Variants in UGDH observed in about 807,000 individuals in gnomAD.
The protein encoded by UGDH is UDP-glucose 6-dehydrogenase, also known as UDP-Glc dehydrogenase.
A neutral mutation model predicts 50.6 loss-of-function variants in UGDH; 38 were observed. The ratio of observed to expected loss-of-function variants is 0.75; its 90% CI spans 0.58 to 0.98. The LOEUF (loss-of-function observed/expected upper bound fraction) is 0.98. Ranked by LOEUF, UGDH falls within the 50% of genes least tolerant of loss-of-function variation. UGDH has a pLI of 0.00. For missense variants in UGDH, 465 were observed against 606.2 expected, an observed-to-expected ratio of 0.77 and a Z score of 2.45; for synonymous variants, 168 against 199.9, an observed-to-expected ratio of 0.84 and a Z score of 1.35.
Position 39,514,100 on chromosome 4 carries a change from C to A in UGDH, c.247G>T (p.Asp83Tyr), listed in dbSNP as rs777181206. 1 of 1,589,542 alleles carries A rather than the reference C, an allele frequency of 6.3e-7. No individual in the cohort carries two copies. Among genetic ancestry groups the A allele is most frequent in the Non-Finnish European group, 8.5e-7 (1 of 1,172,494 alleles). The change falls in exon 3 of 12, where the codon GAT becomes TAT. Residue 83 changes from aspartate to tyrosine, a missense_variant. Asp to Tyr is a radical substitution (Grantham distance 160, BLOSUM62 -3). Coordinates refer to ENST00000316423, the MANE Select transcript of UGDH (RefSeq NM_003359.4). ...ATACTTACAGAAATAAATACAAGAT[C>A]AGCTTCTTTGATGGCATCATCAATA... is the stretch of plus-strand genomic sequence containing the variant. ...TNIDDAIKEA[D>Y]LVFISVNTPT... is the part of the protein sequence containing the mutation.
chr4:39,527,028 A>G, intron 1 of UGDH: 2 of 1,289,406 alleles, frequency 1.6e-6, no homozygotes, highest in Non-Finnish European at 2.0e-6. Context: ...GTAAAGGCAG[A>G]AAGAGAAGGG....
chr4:39,503,197 G>T (rs140812426), intron 11 of UGDH, among the ~76,000 whole-genome samples: 1 of 152,166 alleles, frequency 6.6e-6, no homozygotes, highest in African/African-American at 2.4e-5. Context: ...TTATAGGCGT[G>T]AGCCACCGCG....
chr4:39,522,266 T>C (rs1746693322), intron 1 of UGDH, among the ~76,000 whole-genome samples: 1 of 152,214 alleles, frequency 6.6e-6, no homozygotes, highest in African/African-American at 2.4e-5. Flanking sequence ...AAGGAACTGA[T>C]TTATACATAA....
rs77838464 is a variant in UGDH at position 39,500,106 on chromosome 4, A to G, written c.*37T>C. 2 of 454,098 alleles carry G rather than the reference A, an allele frequency of 4.4e-6. No individual in the cohort carries two copies. The highest frequency in any genetic ancestry group is 1.4e-4 in the East Asian group (2 of 13,878). The allele number at this position is 454,098 out of a possible 1,614,324, so 28.1% of individuals were successfully genotyped here. A position where few individuals can be genotyped will look rare whatever the true frequency, so the allele number is the denominator to read the frequency against. The stretch of plus-strand genomic sequence containing the variant: ...ATATTTGCTATCCTGAAGTACCAAA[A>G]AAAAAAAAAAAAAATCACAAATAAA... On this transcript the variant is annotated 3_prime_UTR_variant, in exon 12 of 12. Transcript: ENST00000316423.
chr4:39,504,629 G>T, intron 9 of UGDH, 121 bp from the exon 10 acceptor site: 1 of 867,016 alleles, frequency 1.2e-6, no homozygotes. Flanking sequence ...TGAAACTGTG[G>T]AGAGTACTGA....
At chr4:39,524,181 G>C (rs1168958710) in intron 1 of UGDH, among the ~76,000 whole-genome samples, 1 of 152,068 alleles carries the variant, frequency 6.6e-6, no homozygotes, top group Non-Finnish European at 1.5e-5. Context: ...AGGTTATTAG[G>C]GCAGCCTTTA....
At position 39,500,264 on chromosome 4, in the gene UGDH, A is replaced by G; in HGVS notation, c.1375-11T>C. On this transcript the variant is annotated splice_polypyrimidine_tract_variant and intron_variant, in intron 11 of 11. Transcript: ENST00000316423. ...GCCAATTGTTTCAATCTGAAAAAAAAATAAAATTTAAGAGAACTATTAACA... is the reference window on the plus strand; with the variant it reads ...GCCAATTGTTTCAATCTGAAAAAAAGATAAAATTTAAGAGAACTATTAACA... 1 of 1,522,858 alleles carries G rather than the reference A, an allele frequency of 6.6e-7. No homozygotes were observed. Among genetic ancestry groups the G allele is most frequent in the African/African-American group, 1.4e-5 (1 of 72,356 alleles). The allele number at this position is 1,522,858 out of a possible 1,614,324, so 94.3% of individuals were successfully genotyped here.
Position 39,499,480 on chromosome 4 carries a change from C to T in UGDH, c.*663G>A, listed in dbSNP as rs532495796. ...ATAACCAGGAGGAATGAAGACTGTC[C>T]TTCCCTTTATAATGTGATATTAAAG... is the stretch of plus-strand genomic sequence containing the variant. On this transcript the variant is annotated 3_prime_UTR_variant, in exon 12 of 12. Transcript: ENST00000316423. 2 of 152,212 alleles carry T rather than the reference C, an allele frequency of 1.3e-5. No individual in the cohort carries two copies. The highest frequency in any genetic ancestry group is 2.1e-4 in the South Asian group (1 of 4,818). 9.4% of individuals were successfully genotyped at this position (152,212 alleles called of 1,614,324 possible).
chr4:39,510,960 C>A, intron 3 of UGDH, 99 bp from the exon 4 acceptor site: 1 of 1,137,596 alleles, frequency 8.8e-7, no homozygotes, highest in South Asian at 1.3e-5. Context: ...TAACAATCAT[C>A]AGTAGCCCTG....
intron 6 of UGDH, among the ~76,000 whole-genome samples, chr4:39,509,553 A>G (rs1746151331): frequency 6.6e-6 from 1 of 152,240 alleles, no homozygotes; most frequent in Non-Finnish European, 1.5e-5. Context: ...CTTTGGCGTT[A>G]GAAACATCTA....
intron 2 of UGDH, among the ~76,000 whole-genome samples, chr4:39,519,908 A>C (rs1308009711): frequency 6.6e-6 from 1 of 152,212 alleles, no homozygotes; most frequent in Non-Finnish European, 1.5e-5. Flanking sequence ...ATTAGTCTAT[A>C]GATGCTTTTT....
At chr4:39,517,905 T>C (rs982940583) in intron 2 of UGDH, among the ~76,000 whole-genome samples, 1 of 151,958 alleles carries the variant, frequency 6.6e-6, no homozygotes, top group Non-Finnish European at 1.5e-5. Flanking sequence ...TATTATAAAA[T>C]AATTCATGTA....
Position 39,500,053 on chromosome 4 carries a change from G to T in UGDH, c.*90C>A. On this transcript the variant is annotated 3_prime_UTR_variant, in exon 12 of 12. Transcript: ENST00000316423. ...AAAAAAAAAACAAAAAAAAACACTT[G>T]GTTCATTTACCATTTAATAGCAGAT... 9.6e-6 allele frequency: 7 copies of T among 732,724 alleles called. No individual in the cohort carries two copies. The highest frequency in any genetic ancestry group is 1.1e-5 in the Non-Finnish European group (5 of 457,554). 45.4% of individuals were successfully genotyped at this position (732,724 alleles called of 1,614,324 possible).
intron 1 of UGDH, among the ~76,000 whole-genome samples, chr4:39,523,137 C>T (rs764207451): frequency 1.4e-4 from 21 of 152,064 alleles, no homozygotes; most frequent in Non-Finnish European, 3.1e-4. Flanking sequence ...CTTATTACAA[C>T]CTCCGCCTCC....
intron 2 of UGDH, among the ~76,000 whole-genome samples, chr4:39,516,841 T>G (rs1025702656): frequency 2.6e-5 from 4 of 152,200 alleles, no homozygotes; most frequent in Non-Finnish European, 5.9e-5. Context: ...GGAAAAGTTT[T>G]ATAGAGTCAG....
intron 11 of UGDH, 91 bp downstream of exon 11, chr4:39,503,784 T>C (rs1485323731): frequency 4.6e-6 from 5 of 1,094,898 alleles, no homozygotes; most frequent in Non-Finnish European, 5.3e-6. Flanking sequence ...GGTCTTTTGA[T>C]GTCAACTTGA....
intron 1 of UGDH, among the ~76,000 whole-genome samples, chr4:39,521,830 T>TC (rs1746674678): frequency 6.6e-6 from 1 of 152,242 alleles, no homozygotes; most frequent in Admixed American, 6.5e-5. Flanking sequence ...AGTAAAACCT[T>TC]CCTTAGGTCT....
At chr4:39,503,791 T>C in intron 11 of UGDH, 84 bp downstream of exon 11, 1 of 1,197,506 alleles carries the variant, frequency 8.4e-7, no homozygotes, top group Non-Finnish European at 1.2e-6. Flanking sequence ...TGATGTCAAC[T>C]TGACTAGATT....
At chr4:39,500,550 T>A (rs1197022561) in intron 11 of UGDH, among the ~76,000 whole-genome samples, 4 of 152,200 alleles carry the variant, frequency 2.6e-5, no homozygotes, top group African/African-American at 9.6e-5. Flanking sequence ...ATGTATGAAA[T>A]TAACCTACCA....
Sources: allele counts gnomAD v4.1 joint callset (sites outside exome capture counted in the v4.1 genomes callset), GRCh38; gene constraint gnomAD v4.1.1; transcripts MANE v1.5; gene names NCBI Gene and HGNC (gene_info 2026-07-23, HGNC 2026-07-21).